Variants in CCDC30 observed in about 807,000 individuals in gnomAD.
The protein encoded by CCDC30 is coiled-coil domain containing 30, also known as coiled-coil domain-containing protein 30.
Under a neutral mutation model 100.2 loss-of-function variants are expected in CCDC30, and 70 were observed. The observed-to-expected ratio is 0.70, with a 90% CI of 0.58 to 0.85. The LOEUF is 0.85. Among genes scored for constraint, CCDC30 ranks in the 40% least tolerant of loss-of-function variants. The pLI, the probability that CCDC30 is intolerant of heterozygous loss-of-function variation, is 0.00. For synonymous variants in CCDC30, 233 were observed against 269.5 expected (o/e 0.86, Z 1.33); for missense variants, 652 against 771.2 (o/e 0.85, Z 1.83).
intron 6 of CCDC30, among the ~76,000 whole-genome samples, chr1:42,549,068 G>T (rs1645198564): frequency 6.6e-6 from 1 of 152,138 alleles, no homozygotes; most frequent in African/African-American, 2.4e-5. Flanking sequence ...CAACTTAGCA[G>T]TTTTCAAACT....
At chr1:42,540,063 C>T (rs1333941547) in intron 6 of CCDC30, among the ~76,000 whole-genome samples, 1 of 152,152 alleles carries the variant, frequency 6.6e-6, no homozygotes, top group Non-Finnish European at 1.5e-5. Flanking sequence ...AATTCCTTTC[C>T]TCGATCACTC....
At chr1:42,655,147 A>G (rs531199449), downstream of CCDC30, among the ~76,000 whole-genome samples, 39 of 152,334 alleles carry the variant, frequency 2.6e-4, no homozygotes, top group Admixed American at 1.2e-3. Context: ...AACATTTTCA[A>G]TCGCCATATG....
intron 1 of CCDC30, among the ~76,000 whole-genome samples, chr1:42,479,874 C>T (rs745727128): frequency 6.6e-6 from 1 of 152,114 alleles, no homozygotes; most frequent in African/African-American, 2.4e-5. Context: ...ATGTGATTGG[C>T]TTGTCTGGAA....
intron 6 of CCDC30, among the ~76,000 whole-genome samples, chr1:42,499,248 A>C (rs939720877): frequency 6.6e-6 from 1 of 152,230 alleles, no homozygotes; most frequent in Admixed American, 6.5e-5. Flanking sequence ...TATATTCAGC[A>C]TGATCAGCCT....
intron 7 of CCDC30, among the ~76,000 whole-genome samples, chr1:42,570,693 C>CA (rs1645715249): frequency 6.7e-6 from 1 of 150,156 alleles, no homozygotes; most frequent in Admixed American, 6.6e-5. Context: ...CCCTATTTTT[C>CA]AAAATTATAT....
chr1:42,580,049 G>C (rs1246673569), intron 8 of CCDC30, among the ~76,000 whole-genome samples: 1 of 152,034 alleles, frequency 6.6e-6, no homozygotes, highest in Non-Finnish European at 1.5e-5. Context: ...AATCAAAGAG[G>C]GTCACACAAT....
intron 15 of CCDC30, among the ~76,000 whole-genome samples, chr1:42,646,898 G>A (rs1397274746): frequency 6.6e-6 from 1 of 152,108 alleles, no homozygotes; most frequent in Non-Finnish European, 1.5e-5. Flanking sequence ...AGGAGTTCGA[G>A]ACCAGCCTGG....
chr1:42,459,892 C>A (rs1643362836), upstream of CCDC30: 2 of 1,612,758 alleles, frequency 1.2e-6, no homozygotes, highest in African/African-American at 2.7e-5. Context: ...AATCTTCAGT[C>A]TCGACACACA....
At chr1:42,506,292 T>C (rs921421335) in intron 6 of CCDC30, among the ~76,000 whole-genome samples, 5 of 152,250 alleles carry the variant, frequency 3.3e-5, no homozygotes, top group Non-Finnish European at 7.3e-5. Context: ...TCATGAATCC[T>C]GTGTGTTTTT....
At chr1:42,465,506 A>T (rs939535116) in intron 1 of CCDC30, among the ~76,000 whole-genome samples, 1 of 152,132 alleles carries the variant, frequency 6.6e-6, no homozygotes, top group Non-Finnish European at 1.5e-5. Flanking sequence ...CTGGGATTAT[A>T]GGCATGTGCC....
chr1:42,607,548 G>C (rs898250112), intron 10 of CCDC30, among the ~76,000 whole-genome samples: 2 of 122,276 alleles, frequency 1.6e-5, no homozygotes, highest in Non-Finnish European at 3.3e-5. Flanking sequence ...GCAAGAACTT[G>C]TCTCTATAAA....
chr1:42,651,534 C>T (rs185428410), intron 15 of CCDC30, among the ~76,000 whole-genome samples: 1 of 151,488 alleles, frequency 6.6e-6, no homozygotes, highest in East Asian at 1.9e-4. Flanking sequence ...AATGGGATAT[C>T]ACCTCACACC....
intron 8 of CCDC30, chr1:42,581,064 T>G: frequency 2.7e-6 from 1 of 372,396 alleles, no homozygotes; most frequent in South Asian, 2.4e-5. Flanking sequence ...GGTCTCGAAC[T>G]CCTGAGGCTC....
intron 1 of CCDC30, among the ~76,000 whole-genome samples, chr1:42,476,009 G>T (rs948482253): frequency 6.6e-6 from 1 of 152,128 alleles, no homozygotes. Flanking sequence ...GAAGCACTTA[G>T]AATCAATCTC....
intron 6 of CCDC30, among the ~76,000 whole-genome samples, chr1:42,505,711 A>C (rs1290887661): frequency 6.6e-6 from 1 of 152,216 alleles, no homozygotes; most frequent in African/African-American, 2.4e-5. Context: ...TTTATCCTTA[A>C]ATACCTGTGA....
chr1:42,563,684 C>T (rs1387611379), intron 6 of CCDC30, among the ~76,000 whole-genome samples: 5 of 152,110 alleles, frequency 3.3e-5, no homozygotes. Flanking sequence ...GGAGACCAGC[C>T]TGACCAACAT....
intron 10 of CCDC30, among the ~76,000 whole-genome samples, chr1:42,604,483 C>T (rs1646466388): frequency 6.6e-6 from 1 of 152,228 alleles, no homozygotes; most frequent in African/African-American, 2.4e-5. Context: ...GAAATAACCA[C>T]TGAGGAGATT....
chr1:42,488,784 A>G (rs370892138), intron 3 of CCDC30, among the ~76,000 whole-genome samples: 1 of 152,244 alleles, frequency 6.6e-6, no homozygotes. Flanking sequence ...TGTTTTCAGA[A>G]CACCTGAAGT....
chr1:42,613,549 C>T (rs6658145), intron 11 of CCDC30, among the ~76,000 whole-genome samples: 1 of 152,108 alleles, frequency 6.6e-6, no homozygotes, highest in Non-Finnish European at 1.5e-5. Context: ...CCACCGTGCC[C>T]GGCCTATTCA....
Sources: gnomAD v4.1 joint callset for allele counts (sites outside exome capture counted in the v4.1 genomes callset) on GRCh38, gnomAD v4.1.1 for gene constraint, MANE v1.5 for transcripts, NCBI Gene and HGNC (gene_info 2026-07-23, HGNC 2026-07-21) for gene names.